ASTN2: variants seen among roughly 807,000 people sequenced by gnomAD.
ASTN2 encodes the protein astrotactin 2.
Under a neutral mutation model 139.8 loss-of-function variants are expected in ASTN2, and 54 were observed. The ratio of observed to expected loss-of-function variants is 0.39; its 90% CI spans 0.31 to 0.48. The LOEUF (loss-of-function observed/expected upper bound fraction) is 0.48. ASTN2 is among the 20% of genes least tolerant of loss of function. The pLI, the probability that ASTN2 is intolerant of heterozygous loss-of-function variation, is 0.95. For synonymous variants in ASTN2, 756 were observed against 719.5 expected (o/e 1.05, Z -0.81); for missense variants, 1,565 against 1,725.1 (o/e 0.91, Z 1.64).
chr9:117,341,216 G>A (rs1829052417), intron 1 of ASTN2, among the ~76,000 whole-genome samples: 1 of 152,170 alleles, frequency 6.6e-6, no homozygotes, highest in African/African-American at 2.4e-5. Flanking sequence ...AGTCCAGGTA[G>A]AAATGGACCC....
At chr9:117,201,676 T>A (rs1442224114) in intron 3 of ASTN2, among the ~76,000 whole-genome samples, 1 of 152,244 alleles carries the variant, frequency 6.6e-6, no homozygotes, top group Non-Finnish European at 1.5e-5. Flanking sequence ...TCCTGAGTTC[T>A]AATTTGATTG....
At chr9:116,603,090 G>A (rs1854992297) in intron 19 of ASTN2, among the ~76,000 whole-genome samples, 1 of 152,326 alleles carries the variant, frequency 6.6e-6, no homozygotes, top group Admixed American at 6.5e-5. Flanking sequence ...CACAGAAGAT[G>A]GAGAGTTGCA....
At chr9:117,047,140 T>C (rs1237671858) in intron 5 of ASTN2, among the ~76,000 whole-genome samples, 1 of 152,190 alleles carries the variant, frequency 6.6e-6, no homozygotes, top group Non-Finnish European at 1.5e-5. Context: ...GAAACTGAAA[T>C]TGGGACACGT....
intron 19 of ASTN2, among the ~76,000 whole-genome samples, chr9:116,546,978 G>A (rs2119381617): frequency 6.6e-6 from 1 of 152,260 alleles, no homozygotes; most frequent in African/African-American, 2.4e-5. Context: ...CCGGCTGGAG[G>A]GGGTAGGAAT....
At chr9:116,500,178 T>C (rs1849806473) in intron 19 of ASTN2, among the ~76,000 whole-genome samples, 1 of 152,148 alleles carries the variant, frequency 6.6e-6, no homozygotes, top group East Asian at 1.9e-4. Flanking sequence ...ACTATCCCTG[T>C]GCAGTGAGGA....
chr9:117,214,335 G>T (rs998661969), intron 3 of ASTN2, 23 bp downstream of exon 3: 11 of 1,539,456 alleles, frequency 7.1e-6, no homozygotes, highest in Non-Finnish European at 9.7e-6. Flanking sequence ...CCTGGAAAAT[G>T]GGCTGTGACA....
At chr9:116,964,216 GGTGTGTGTGTGTGTGTGT>G (rs56209166) in intron 10 of ASTN2, among the ~76,000 whole-genome samples, 7 of 140,708 alleles carry the variant, frequency 5.0e-5, no homozygotes, top group South Asian at 2.3e-4. Flanking sequence ...ACTGCCCTGG[GGTGTGTGTGTGTGTGTGT>G]GTGTGTGTGT....
chr9:117,105,332 GATTCTTAGCCAC>G (rs1829076706), intron 4 of ASTN2, among the ~76,000 whole-genome samples: 2 of 152,264 alleles, frequency 1.3e-5, no homozygotes, highest in Admixed American at 1.3e-4. Context: ...GGTGCTGTGA[GATTCTTAGCCAC>G]ATAGAAAGGC....
At chr9:117,081,333 C>T (rs757934682) in intron 5 of ASTN2, among the ~76,000 whole-genome samples, 4 of 152,116 alleles carry the variant, frequency 2.6e-5, no homozygotes, top group East Asian at 1.9e-4. Flanking sequence ...ACATGTTCTA[C>T]CCAGAATCCA....
chr9:116,807,062 G>A (rs1831048115), intron 12 of ASTN2, among the ~76,000 whole-genome samples: 1 of 152,118 alleles, frequency 6.6e-6, no homozygotes, highest in Non-Finnish European at 1.5e-5. Context: ...GTCTATTTTT[G>A]TCTCCTCCAA....
intron 1 of ASTN2, among the ~76,000 whole-genome samples, chr9:117,383,828 G>A (rs549674386): frequency 2.8e-4 from 43 of 152,306 alleles, no homozygotes; most frequent in African/African-American, 1.0e-3. Flanking sequence ...GGAGCCGGGT[G>A]CAATTTGGGG....
chr9:117,197,332 C>T (rs1588065952), intron 3 of ASTN2: 1 of 152,162 alleles, frequency 6.6e-6, no homozygotes, highest in African/African-American at 2.4e-5. Flanking sequence ...CACTACCCTA[C>T]CAGAACCTCT....
At chr9:116,534,068 C>A (rs934279594) in intron 19 of ASTN2, among the ~76,000 whole-genome samples, 4 of 152,298 alleles carry the variant, frequency 2.6e-5, no homozygotes, top group Admixed American at 6.5e-5. Flanking sequence ...AGGGATTCAA[C>A]TTCTTCCTGG....
chr9:116,512,256 T>A lies in ASTN2; in HGVS notation c.3356-24756A>T, dbSNP rs573671065. Among the ~76,000 whole-genome samples the A allele has an allele frequency of 6.0e-4, 91 of 152,252 alleles. 1 individual carries two copies. Among genetic ancestry groups the A allele is most frequent in the Non-Finnish European group, 1.1e-3 (73 of 68,040 alleles). On this transcript the variant is annotated intron_variant, in intron 19 of 22. Transcript: ENST00000313400. The stretch of plus-strand genomic sequence containing the variant: ...CTTTATTTCTGCCTTCATTTCGTTA[T>A]GTACCCAGTAGTCAGTCAGGAGCAC...
intron 19 of ASTN2, among the ~76,000 whole-genome samples, chr9:116,563,953 T>C (rs1377779500): frequency 6.6e-6 from 1 of 152,182 alleles, no homozygotes; most frequent in Non-Finnish European, 1.5e-5. Context: ...ATAAAAAGCA[T>C]GGGAGATTTT....
chr9:116,898,446 A>T (rs1833931110), intron 10 of ASTN2, among the ~76,000 whole-genome samples: 1 of 151,502 alleles, frequency 6.6e-6, no homozygotes, highest in Non-Finnish European at 1.5e-5. Context: ...TAGAGTCAGA[A>T]AGACCTGGTG....
chr9:117,277,708 T>C (rs1444193214), intron 2 of ASTN2, among the ~76,000 whole-genome samples: 1 of 152,198 alleles, frequency 6.6e-6, no homozygotes, highest in Admixed American at 6.5e-5. Flanking sequence ...ATCATGACAC[T>C]TGGTTACCAA....
In ASTN2 at chr9:117,043,907, C is replaced by CAAAAAAA. The variant is rs10713427; in HGVS notation, c.1277-3949_1277-3943dup. Reference sequence around the variant, plus strand: ...TGGGCCACAGAGCAAGACTCTGTCTCAAAAAAAAAAAAAAAAGAAAAGAAA... The same window carrying CAAAAAAA: ...TGGGCCACAGAGCAAGACTCTGTCTCAAAAAAAAAAAAAAAAAAAAAAAGAAAAGAAA... On this transcript the variant is annotated intron_variant, in intron 5 of 22. Coordinates refer to ENST00000313400, the MANE Select transcript of ASTN2 (RefSeq NM_001365068.1). Among the ~76,000 whole-genome samples, 330 of 119,248 alleles carry CAAAAAAA rather than the reference C, an allele frequency of 2.8e-3. 3 individuals are homozygous for CAAAAAAA. Among genetic ancestry groups the CAAAAAAA allele is most frequent in the African/African-American group, 0.01 (312 of 30,980 alleles). The allele number at this position is 119,248 out of a possible 152,430, so 78.2% of individuals were successfully genotyped here. A position where few individuals can be genotyped will look rare whatever the true frequency, so the allele number is the denominator to read the frequency against.
intron 16 of ASTN2, chr9:116,697,663 A>C: frequency 6.4e-7 from 1 of 1,566,390 alleles, no homozygotes; most frequent in South Asian, 1.1e-5. Context: ...TCTCTTTAGC[A>C]GGAATTTGAC....
Sources: allele counts gnomAD v4.1 joint callset (sites outside exome capture counted in the v4.1 genomes callset), GRCh38; gene constraint gnomAD v4.1.1; transcripts MANE v1.5; gene names NCBI Gene and HGNC (gene_info 2026-07-23, HGNC 2026-07-21).